Variants in TPD52 observed in about 807,000 individuals in gnomAD.
TPD52 encodes the protein prostate and colon associated protein.
Under a neutral mutation model 31.3 loss-of-function variants are expected in TPD52, and 17 were observed. That is an observed-to-expected ratio of 0.54 (90% CI 0.37 to 0.82). The LOEUF (loss-of-function observed/expected upper bound fraction) is 0.82. Among genes scored for constraint, TPD52 ranks in the 40% least tolerant of loss-of-function variants. The pLI is 0.00. For synonymous variants in TPD52, 83 were observed against 89.6 expected, an observed-to-expected ratio of 0.93 and a Z score of 0.42; for missense variants, 212 against 240.1, an observed-to-expected ratio of 0.88 and a Z score of 0.77.
intron 1 of TPD52, among the ~76,000 whole-genome samples, chr8:80,144,130 T>C (rs1810031370): frequency 6.6e-6 from 1 of 152,230 alleles, no homozygotes; most frequent in South Asian, 2.1e-4. Context: ...TTTCACCTTC[T>C]TCAAATGAAA....
At chr8:80,129,356 C>T (rs1005785274) in intron 1 of TPD52, among the ~76,000 whole-genome samples, 2 of 152,140 alleles carry the variant, frequency 1.3e-5, no homozygotes, top group East Asian at 3.8e-4. Context: ...AAGTTAACAG[C>T]ATGATTATAT....
intron 1 of TPD52, chr8:80,123,224 G>A (rs1051407363): frequency 2.0e-5 from 3 of 152,270 alleles, no homozygotes; most frequent in African/African-American, 7.2e-5. Context: ...AGAGGCAGGA[G>A]GGCTCTGCAG....
At chr8:80,133,316 G>A (rs1429275418) in intron 1 of TPD52, among the ~76,000 whole-genome samples, 1 of 152,120 alleles carries the variant, frequency 6.6e-6, no homozygotes, top group Non-Finnish European at 1.5e-5. Flanking sequence ...GTGACAGCCT[G>A]TGATTGACCC....
At chr8:80,079,102 C>T (rs1161225624) in intron 1 of TPD52, among the ~76,000 whole-genome samples, 1 of 152,186 alleles carries the variant, frequency 6.6e-6, no homozygotes, top group African/African-American at 2.4e-5. Context: ...CAAGCTCTAG[C>T]TTCCCCATTC....
chr8:80,050,322 T>G, intron 5 of TPD52, 123 bp downstream of exon 5: 3 of 915,362 alleles, frequency 3.3e-6, no homozygotes, highest in Non-Finnish European at 4.8e-6. Context: ...AAAAAGATAC[T>G]CTAAACGCAA....
In TPD52 at chr8:80,042,356, G is replaced by C. The variant is rs1055399923; in HGVS notation, c.504+264C>G. On this transcript the variant is annotated intron_variant, in intron 7 of 7. Transcript: ENST00000518937. ...GTACTTGAAATGAATAAAGCAAAAA[G>C]CAGCACAAATTTCTAAAGTGCCATT... 1.1e-5 allele frequency: 11 copies of C among 985,254 alleles called. No individual in the cohort carries two copies. The African/African-American group carries it at 1.7e-4, about 16-fold the overall frequency. The allele number at this position is 985,254 out of a possible 1,614,324, so 61.0% of individuals were successfully genotyped here.
Position 80,049,568 on chromosome 8 carries a change from T to A in TPD52, c.413+877A>T, listed in dbSNP as rs117324901. On this transcript the variant is annotated intron_variant, in intron 5 of 7. Transcript: ENST00000518937. ...AAAAAGGCAAGCAGCTAGACTACCA[T>A]GAGTGATTGCTTAAGAAAATAATCT... 6.5e-3 allele frequency among the ~76,000 whole-genome samples: 989 copies of A among 152,274 alleles called. 6 individuals are homozygous for A. Among genetic ancestry groups the A allele is most frequent in the Admixed American group, 0.01 (157 of 15,284 alleles).
chr8:80,152,783 A>G, intron 1 of TPD52, among the ~76,000 whole-genome samples: 1 of 146,730 alleles, frequency 6.8e-6, no homozygotes, highest in Non-Finnish European at 1.5e-5. Flanking sequence ...TCCGTCTCAA[A>G]AAAAAAAAAA....
chr8:80,121,276 G>T (rs774477232), intron 1 of TPD52, among the ~76,000 whole-genome samples: 4 of 151,882 alleles, frequency 2.6e-5, no homozygotes, highest in African/African-American at 4.8e-5. Flanking sequence ...GGTGAACACA[G>T]CAAAACTGCT....
At chr8:80,155,695 C>T (rs912042042) in intron 1 of TPD52, among the ~76,000 whole-genome samples, 2 of 151,930 alleles carry the variant, frequency 1.3e-5, no homozygotes, top group African/African-American at 2.4e-5. Context: ...ATCAGCCTGA[C>T]CAACATGGAG....
rs750406632 is a variant in TPD52 at position 80,038,083 on chromosome 8, C to T, written c.*33G>A. Reference sequence around the variant, plus strand: ...TGTGCTTGGACCTCGCTTGCAGCATCTGGCAGTGGGTAGCAGAACAAAGGT... The same window carrying T: ...TGTGCTTGGACCTCGCTTGCAGCATTTGGCAGTGGGTAGCAGAACAAAGGT... On this transcript the variant is annotated 3_prime_UTR_variant, in exon 8 of 8. Coordinates refer to ENST00000518937, the MANE Select transcript of TPD52 (RefSeq NM_001025253.3). 6 of 1,609,334 alleles carry T rather than the reference C, an allele frequency of 3.7e-6. No individual in the cohort carries two copies. The East Asian group carries it at 1.3e-4, about 36-fold the overall frequency.
intron 1 of TPD52, among the ~76,000 whole-genome samples, chr8:80,118,826 A>G (rs1477123369): frequency 1.3e-5 from 2 of 152,244 alleles, no homozygotes; most frequent in African/African-American, 2.4e-5. Flanking sequence ...ACAGGTATGT[A>G]ACACAGTACA....
intron 4 of TPD52, among the ~76,000 whole-genome samples, chr8:80,051,070 C>T (rs537280787): frequency 3.5e-3 from 521 of 150,812 alleles, no homozygotes; most frequent in Non-Finnish European, 6.2e-3. Flanking sequence ...TACAGCTTAC[C>T]AGTTAGAATA....
chr8:80,116,507 A>G (rs1807873324), intron 1 of TPD52, among the ~76,000 whole-genome samples: 1 of 152,150 alleles, frequency 6.6e-6, no homozygotes, highest in Admixed American at 6.6e-5. Flanking sequence ...ATATTCAAAA[A>G]CCACCCACAT....
At chr8:80,168,975 G>A (rs532342229) in intron 1 of TPD52, among the ~76,000 whole-genome samples, 18 of 152,124 alleles carry the variant, frequency 1.2e-4, no homozygotes, top group African/African-American at 4.1e-4. Context: ...ATGGCCAGGT[G>A]GTTTTGTTTT....
chr8:80,098,675 A>T lies in TPD52; in HGVS notation c.20-34082T>A, dbSNP rs531835792. Among the ~76,000 whole-genome samples, 7 of 152,394 alleles carry T rather than the reference A, an allele frequency of 4.6e-5. No individual in the cohort carries two copies. In the East Asian group the frequency reaches 1.3e-3, roughly 29 times the overall value. Reference sequence around the variant, plus strand: ...TACTCCTGGTGAAGATGCCGTAAACACTGTTGAAATAACAACAAAGAATTT... The same window carrying T: ...TACTCCTGGTGAAGATGCCGTAAACTCTGTTGAAATAACAACAAAGAATTT... On this transcript the variant is annotated intron_variant, in intron 1 of 7. Coordinates refer to ENST00000518937, the MANE Select transcript of TPD52 (RefSeq NM_001025253.3).
chr8:80,091,423 C>T (rs967943342), intron 1 of TPD52, among the ~76,000 whole-genome samples: 13 of 150,066 alleles, frequency 8.7e-5, no homozygotes, highest in African/African-American at 2.5e-4. Flanking sequence ...GAGCCGAGAT[C>T]GCGCCACTGC....
At chr8:80,108,815 A>C (rs894984516) in intron 1 of TPD52, among the ~76,000 whole-genome samples, 1 of 152,226 alleles carries the variant, frequency 6.6e-6, no homozygotes, top group African/African-American at 2.4e-5. Context: ...GTTTTAAGAA[A>C]CATTTTACCT....
At chr8:80,050,915 A>C (rs1043171450) in intron 4 of TPD52, among the ~76,000 whole-genome samples, 8 of 151,992 alleles carry the variant, frequency 5.3e-5, no homozygotes, top group African/African-American at 1.9e-4. Flanking sequence ...TCACTATCCT[A>C]ATCCACATGA....
Sources: gnomAD v4.1 joint callset for allele counts (sites outside exome capture counted in the v4.1 genomes callset) on GRCh38, gnomAD v4.1.1 for gene constraint, MANE v1.5 for transcripts, NCBI Gene and HGNC (gene_info 2026-07-23, HGNC 2026-07-21) for gene names.